The following MYO16 variants were observed in gnomAD, a reference collection of about 807,000 sequenced individuals.
MYO16 encodes unconventional myosin-XVI.
MYO16 carries 94 observed loss-of-function variants against 205.3 expected under a neutral mutation model. That is an observed-to-expected ratio of 0.46 (90% confidence interval 0.39 to 0.54). MYO16 has a LOEUF of 0.54. Among genes scored for constraint, MYO16 ranks in the 20% least tolerant of loss-of-function variants. The pLI is 0.00. For missense variants in MYO16, 2,315 were observed against 2,387.5 expected, an observed-to-expected ratio of 0.97 and a Z score of 0.63; for synonymous variants, 988 against 954.0, an observed-to-expected ratio of 1.04 and a Z score of -0.66.
chr13:108,583,422 T>C, the MYO16 span, among the ~76,000 whole-genome samples: 1 of 152,208 alleles, frequency 6.6e-6, no homozygotes, highest in African/African-American at 2.4e-5. Flanking sequence ...GCTTCCCTCA[T>C]ACGTGATTCT....
chr13:109,000,670 A>G (rs1885183166), intron 21 of MYO16, among the ~76,000 whole-genome samples: 1 of 152,220 alleles, frequency 6.6e-6, no homozygotes, highest in African/African-American at 2.4e-5. Flanking sequence ...CTGAAGCTCT[A>G]AAATAAGAGC....
intron 23 of MYO16, among the ~76,000 whole-genome samples, chr13:109,020,777 T>TA (rs755589796): frequency 1.3e-5 from 2 of 152,126 alleles, no homozygotes; most frequent in East Asian, 3.8e-4. Flanking sequence ...TGCTAGAGGG[T>TA]AAAATCTCTC....
intron 32 of MYO16, among the ~76,000 whole-genome samples, chr13:109,149,158 A>G (rs1422842943): frequency 6.6e-6 from 1 of 152,194 alleles, no homozygotes; most frequent in Non-Finnish European, 1.5e-5. Context: ...ACAAAGTGCA[A>G]AGAGCCAGAG....
At chr13:109,102,101 T>G (rs1888986136) in intron 28 of MYO16, among the ~76,000 whole-genome samples, 2 of 152,194 alleles carry the variant, frequency 1.3e-5, no homozygotes, top group Non-Finnish European at 2.9e-5. Context: ...CTTTTCTTTT[T>G]TTTTTAACTA....
chr13:108,897,167 G>C (rs555635969), intron 14 of MYO16, among the ~76,000 whole-genome samples: 1 of 152,060 alleles, frequency 6.6e-6, no homozygotes, highest in Non-Finnish European at 1.5e-5. Context: ...TGCAGAAACC[G>C]CATGGAACAT....
intron 1 of MYO16, among the ~76,000 whole-genome samples, chr13:108,620,301 C>T (rs1165118052): frequency 1.3e-5 from 2 of 152,110 alleles, no homozygotes; most frequent in African/African-American, 4.8e-5. Flanking sequence ...AATAATAAAT[C>T]TGAATATTTA....
Position 109,125,696 on chromosome 13 carries a change from T to A in MYO16, c.3782+338T>A, listed in dbSNP as rs1876215070. Among the ~76,000 whole-genome samples, 1 of 152,202 alleles carries A rather than the reference T, an allele frequency of 6.6e-6. No individual in the cohort carries two copies. The highest frequency in any genetic ancestry group is 2.4e-5 in the African/African-American group (1 of 41,450). On this transcript the variant is annotated intron_variant, in intron 30 of 34. Coordinates refer to ENST00000457511, the MANE Select transcript of MYO16 (RefSeq NM_001198950.3). This position sits in a 1 kb window ranked among gnomAD's most constrained non-coding sequence, Gnocchi z 4.0. ...AAATATATAGCTTGGCTGTTGACAT[T>A]TTTACACAAGCGTTACGGATATAAG... is the stretch of plus-strand genomic sequence containing the variant.
intron 10 of MYO16, among the ~76,000 whole-genome samples, chr13:108,849,525 T>TTGTGTGTGTG (rs112815062): frequency 0.012 from 1,557 of 127,752 alleles, 68 homozygotes; most frequent in East Asian, 0.07. Flanking sequence ...ATTTCCTCCT[T>TTGTGTGTGTG]TGTGTGTGTG....
intron 34 of MYO16, among the ~76,000 whole-genome samples, chr13:109,202,973 C>T (rs1474087366): frequency 6.6e-6 from 1 of 152,150 alleles, no homozygotes; most frequent in Non-Finnish European, 1.5e-5. Flanking sequence ...ACAAATGGTG[C>T]TTGGATAACT....
At chr13:109,015,262 G>A (rs548852899) in intron 22 of MYO16, among the ~76,000 whole-genome samples, 22 of 152,246 alleles carry the variant, frequency 1.4e-4, no homozygotes, top group Non-Finnish European at 2.9e-4. Context: ...GATGGATTAC[G>A]TTTATCGATT....
At chr13:108,676,695 C>T (rs1050141265) in intron 2 of MYO16, among the ~76,000 whole-genome samples, 2 of 152,140 alleles carry the variant, frequency 1.3e-5, no homozygotes, top group African/African-American at 4.8e-5. Flanking sequence ...AGTGACACTG[C>T]TGCAAGTTAC....
At chr13:108,518,230 T>A in the MYO16 span, among the ~76,000 whole-genome samples, 1 of 152,232 alleles carries the variant, frequency 6.6e-6, no homozygotes, top group Non-Finnish European at 1.5e-5. Context: ...ATTTGTTGTC[T>A]ATACAGTTGA....
chr13:108,909,899 A>G (rs1881177007), intron 15 of MYO16, 104 bp from the exon 16 acceptor site: 1 of 1,196,116 alleles, frequency 8.4e-7, no homozygotes, highest in Non-Finnish European at 1.2e-6. Context: ...GAAAGGGAGA[A>G]CTCAACAGTC....
At chr13:109,182,433 T>A (rs1196231943) in intron 34 of MYO16, among the ~76,000 whole-genome samples, 1 of 152,046 alleles carries the variant, frequency 6.6e-6, no homozygotes, top group Admixed American at 6.6e-5. Context: ...CAGAAGAATA[T>A]TAGTCGGAGA....
the MYO16 span, among the ~76,000 whole-genome samples, chr13:108,542,576 T>C: frequency 3.3e-5 from 5 of 152,210 alleles, no homozygotes; most frequent in Non-Finnish European, 5.9e-5. Context: ...GAGTTAAACA[T>C]GCAAATTTAT....
At chr13:109,096,360 A>G (rs1398598734) in intron 27 of MYO16, among the ~76,000 whole-genome samples, 1 of 151,994 alleles carries the variant, frequency 6.6e-6, no homozygotes, top group Non-Finnish European at 1.5e-5. Flanking sequence ...TTTTCAGGAC[A>G]TGAGTCATAT....
At chr13:108,879,858 AT>A (rs1171339885) in intron 12 of MYO16, among the ~76,000 whole-genome samples, 1 of 152,220 alleles carries the variant, frequency 6.6e-6, no homozygotes, top group African/African-American at 2.4e-5. Context: ...ATGATTTATA[AT>A]CCTTTGGGTA....
At chr13:108,834,191 T>C (rs572298625) in intron 9 of MYO16, among the ~76,000 whole-genome samples, 2 of 152,280 alleles carry the variant, frequency 1.3e-5, no homozygotes, top group South Asian at 2.1e-4. Context: ...TAGGAGAGTT[T>C]CTAAGTGCTG....
chr13:108,795,585 A>G (rs1487851508), intron 6 of MYO16, among the ~76,000 whole-genome samples: 1 of 152,206 alleles, frequency 6.6e-6, no homozygotes, highest in Admixed American at 6.5e-5. Context: ...TAAACTTTAG[A>G]AGACTATAAC....
Sources: gnomAD v4.1 joint callset for allele counts (sites outside exome capture counted in the v4.1 genomes callset) on GRCh38, gnomAD v4.1.1 for gene constraint, Gnocchi (gnomAD v3.1) non-coding constraint, MANE v1.5 for transcripts, NCBI Gene and HGNC (gene_info 2026-07-23, HGNC 2026-07-21) for gene names.